The following PPFIBP1 variants were observed in gnomAD, a reference collection of about 807,000 sequenced individuals.
PPFIBP1 encodes PPFIB scaffold protein 1.
PPFIBP1 carries 112 observed loss-of-function variants against 137.8 expected under a neutral mutation model. The observed-to-expected ratio is 0.81, with a 90% confidence interval of 0.70 to 0.95. The LOEUF is 0.95. PPFIBP1 is among the 40% of genes least tolerant of loss of function. The pLI is 0.00. For missense variants in PPFIBP1, 1,083 were observed against 1,196.6 expected (o/e 0.91, Z 1.40); for synonymous variants, 378 against 417.3 (o/e 0.91, Z 1.15).
At chr12:27,629,822 T>C (rs1026691320) in intron 2 of PPFIBP1, among the ~76,000 whole-genome samples, 7 of 152,134 alleles carry the variant, frequency 4.6e-5, no homozygotes, top group African/African-American at 7.2e-5. Flanking sequence ...GCTCAAACCA[T>C]GGGCAAGGCA....
At chr12:27,610,811 A>C (rs1338168652) in intron 2 of PPFIBP1, among the ~76,000 whole-genome samples, 1 of 151,978 alleles carries the variant, frequency 6.6e-6, no homozygotes, top group Non-Finnish European at 1.5e-5. Context: ...TATTACTTAT[A>C]CTTTTGTCTT....
intron 1 of PPFIBP1, among the ~76,000 whole-genome samples, chr12:27,554,219 C>T (rs1274159887): frequency 1.3e-5 from 2 of 152,238 alleles, no homozygotes; most frequent in Non-Finnish European, 2.9e-5. Context: ...CAGTTACACT[C>T]ATCCCAACAT....
At chr12:27,670,507 C>CAGTG (rs2060112017) in intron 13 of PPFIBP1, among the ~76,000 whole-genome samples, 1 of 152,146 alleles carries the variant, frequency 6.6e-6, no homozygotes, top group African/African-American at 2.4e-5. Flanking sequence ...TCGCTGGGCA[C>CAGTG]AGTGGCTCAT....
At chr12:27,572,622 G>A (rs2050237481) in intron 1 of PPFIBP1, among the ~76,000 whole-genome samples, 3 of 152,140 alleles carry the variant, frequency 2.0e-5, no homozygotes, top group African/African-American at 7.2e-5. Context: ...TTGCAACCTC[G>A]AGGGAAATTG....
At chr12:27,593,916 C>T in intron 2 of PPFIBP1, 1 of 1,497,150 alleles carries the variant, frequency 6.7e-7, no homozygotes, top group East Asian at 2.4e-5. Context: ...GGTGCGTCTT[C>T]CCAGGAGGTT....
chr12:27,597,697 G>A lies in PPFIBP1; in HGVS notation c.-36+19458G>A, dbSNP rs554754411. Among the ~76,000 whole-genome samples, 7 of 152,328 alleles carry A rather than the reference G, an allele frequency of 4.6e-5. No homozygotes were observed. The South Asian group carries it at 1.5e-3, about 32-fold the overall frequency. On this transcript the variant is annotated intron_variant, in intron 2 of 29. Coordinates refer to ENST00000228425, the MANE Select transcript of PPFIBP1 (RefSeq NM_003622.4). ...GAATATAAACATTTAAGAAAAAAAT[G>A]ATTTCCCAGCGTAAACCACCAAAGT...
chr12:27,689,104 T>C lies in PPFIBP1; in HGVS notation c.2586T>C (p.Thr862=). Residue 862 remains threonine (T), a synonymous_variant, in exon 27 of 30, where the codon ACT becomes ACC. Transcript: ENST00000228425. ...NKTLLRRHLA[T]HFNLLIGAEA... The stretch of plus-strand genomic sequence containing the variant: ...CTTTGCTGCGAAGACATTTGGCCAC[T>C]CATTTCAACCTTCTGATTGGGGCTG... 4.3e-6 allele frequency: 7 copies of C among 1,611,212 alleles called. No homozygotes were observed. Among genetic ancestry groups the C allele is most frequent in the Non-Finnish European group, 4.2e-6 (5 of 1,179,338 alleles).
intron 1 of PPFIBP1, among the ~76,000 whole-genome samples, chr12:27,527,433 G>C (rs1943895246): frequency 6.6e-6 from 1 of 151,928 alleles, no homozygotes; most frequent in African/African-American, 2.4e-5. Flanking sequence ...AGTAGAGGCG[G>C]GTTCTCACCA....
In PPFIBP1 at chr12:27,682,452, TGAA is replaced by T; in HGVS notation, c.2119_2121del (p.Glu707del). The T allele has an allele frequency of 1.2e-6, 2 of 1,614,122 alleles. No homozygotes were observed. Among genetic ancestry groups the T allele is most frequent in the East Asian group, 4.5e-5 (2 of 44,886 alleles). Reference sequence around the variant, plus strand: ...AGCTAGCACTCCAAGCCCTGGGATCTGAAGAAGAAACCAATCATGGGAAGCTGG... The same window carrying T: ...AGCTAGCACTCCAAGCCCTGGGATCTGAAGAAACCAATCATGGGAAGCTGG... On this transcript the variant is annotated inframe_deletion, in exon 23 of 30. Coordinates refer to ENST00000228425, the MANE Select transcript of PPFIBP1 (RefSeq NM_003622.4).
intron 25 of PPFIBP1, 53 bp downstream of exon 25, chr12:27,687,560 G>T: frequency 6.4e-7 from 1 of 1,552,160 alleles, no homozygotes; most frequent in Non-Finnish European, 8.7e-7. Flanking sequence ...GCATGGGACT[G>T]TCCATGTGTC....
rs116107737 is a variant in PPFIBP1 at position 27,590,875 on chromosome 12, A to G, written c.-36+12636A>G. Among the ~76,000 whole-genome samples the G allele has an allele frequency of 3.9e-3, 592 of 152,260 alleles. 2 individuals carry two copies. The highest frequency in any genetic ancestry group is 0.013 in the African/African-American group (543 of 41,546). On this transcript the variant is annotated intron_variant, in intron 2 of 29. Coordinates refer to ENST00000228425, the MANE Select transcript of PPFIBP1 (RefSeq NM_003622.4). ...TGTTACTAGATGTGGTAGACATGCC[A>G]AGTTTGGGTAGGAGGTATATGGGTT...
At chr12:27,681,873 G>C (rs1172473289) in intron 22 of PPFIBP1, among the ~76,000 whole-genome samples, 177 bp downstream of exon 22, 6 of 152,020 alleles carry the variant, frequency 3.9e-5, no homozygotes, top group African/African-American at 1.2e-4. Context: ...GGGAGGACCT[G>C]GTCTTGATGA....
chr12:27,660,954 A>G lies in PPFIBP1; in HGVS notation c.906+9A>G. The G allele has an allele frequency of 1.2e-6, 2 of 1,612,644 alleles. No individual in the cohort carries two copies. The highest frequency in any genetic ancestry group is 1.7e-6 in the Non-Finnish European group (2 of 1,179,522). ...CAGCAAATGAAGAAAAGGTATCCAGATGAAATTTAAATATACGTGTGGATG... is the reference window on the plus strand; with the variant it reads ...CAGCAAATGAAGAAAAGGTATCCAGGTGAAATTTAAATATACGTGTGGATG... On this transcript the variant is annotated intron_variant, in intron 11 of 29. Coordinates refer to ENST00000228425, the MANE Select transcript of PPFIBP1 (RefSeq NM_003622.4).
At position 27,654,031 on chromosome 12, in the gene PPFIBP1, A is replaced by G. The variant is rs527632610; in HGVS notation, c.604-691A>G. Among the ~76,000 whole-genome samples, 377 of 152,342 alleles carry G rather than the reference A, an allele frequency of 2.5e-3. 2 individuals are homozygous for G. The highest frequency in any genetic ancestry group is 8.5e-3 in the African/African-American group (353 of 41,574). On this transcript the variant is annotated intron_variant, in intron 7 of 29. Transcript: ENST00000228425. ...TAAAATGTATGCACATACCCAGAGA[A>G]TAGAGAATAGTTGAGAAACTTTGTG...
chr12:27,658,960 C>A, intron 10 of PPFIBP1, 112 bp downstream of exon 10: 1 of 999,802 alleles, frequency 1.0e-6, no homozygotes, highest in Admixed American at 2.3e-5. Flanking sequence ...AAAGTTGCTT[C>A]ATCAATAAGC....
chr12:27,686,290 A>G (rs1237604155), intron 24 of PPFIBP1, among the ~76,000 whole-genome samples: 1 of 152,160 alleles, frequency 6.6e-6, no homozygotes, highest in Admixed American at 6.5e-5. Flanking sequence ...GTTTTATCAG[A>G]AAGGTGTGTC....
At chr12:27,674,811 A>ATTTTTTTTTTTTTTTTTTTTTTTTTTT (rs72418237) in intron 17 of PPFIBP1, among the ~76,000 whole-genome samples, 4 of 108,706 alleles carry the variant, frequency 3.7e-5, no homozygotes, top group Non-Finnish European at 7.0e-5. Flanking sequence ...CTTTCCCCTG[A>ATTTTTTTTTTTTTTTTTTTTTTTTTTT]TTTTTTTTTT....
chr12:27,615,214 G>A (rs2055611927), intron 2 of PPFIBP1, among the ~76,000 whole-genome samples: 1 of 152,120 alleles, frequency 6.6e-6, no homozygotes, highest in African/African-American at 2.4e-5. Flanking sequence ...CAAAATCCAG[G>A]AAATTATACA....
At chr12:27,583,947 T>C (rs1186062392) in intron 2 of PPFIBP1, among the ~76,000 whole-genome samples, 1 of 152,236 alleles carries the variant, frequency 6.6e-6, no homozygotes, top group East Asian at 1.9e-4. Flanking sequence ...CTTTACTTGA[T>C]AAAATCAGTT....
Sources: allele counts gnomAD v4.1 joint callset (sites outside exome capture counted in the v4.1 genomes callset), GRCh38; gene constraint gnomAD v4.1.1; transcripts MANE v1.5; gene names NCBI Gene and HGNC (gene_info 2026-07-23, HGNC 2026-07-21).